The following GPR107 variants were observed in gnomAD, a reference collection of about 807,000 sequenced individuals.
GPR107 encodes the protein G protein-coupled receptor 107.
GPR107 carries 31 observed loss-of-function variants against 75.5 expected under a neutral mutation model. The observed-to-expected ratio is 0.41, with a 90% CI of 0.31 to 0.55. The LOEUF is 0.55. Among genes scored for constraint, GPR107 ranks in the 20% least tolerant of loss-of-function variants. The probability of loss-of-function intolerance (pLI) is 0.26; values close to 1 mark genes in which losing one functional copy is unlikely to be tolerated. For synonymous variants in GPR107, 267 were observed against 251.3 expected, an observed-to-expected ratio of 1.06 and a Z score of -0.59; for missense variants, 572 against 665.7, an observed-to-expected ratio of 0.86 and a Z score of 1.55.
At position 130,114,313 on chromosome 9, in the gene GPR107, G is replaced by T. The variant is rs564059384; in HGVS notation, c.1306+6774G>T. On this transcript the variant is annotated intron_variant, in intron 14 of 17. Coordinates refer to ENST00000347136, the MANE Select transcript of GPR107 (RefSeq NM_020960.5). ...GAACCCGGGAGGCGGAGTTTGCAGT[G>T]AATTGAGATTGTGCCACTGCACTCC... Among the ~76,000 whole-genome samples, 12 of 152,114 alleles carry T rather than the reference G, an allele frequency of 7.9e-5. 1 individual carries two copies. The South Asian group carries it at 2.5e-3, about 32-fold the overall frequency.
Position 130,104,441 on chromosome 9 carries a change from A to C in GPR107, c.1153A>C (p.Ile385Leu). The C allele has an allele frequency of 6.2e-7, 1 of 1,613,804 alleles. No homozygotes were observed. The highest frequency in any genetic ancestry group is 8.5e-7 in the Non-Finnish European group (1 of 1,179,684). ...GTAGGTCCTGGCAAATGTAGCCTAC[A>C]TCATCATAGAGTCCACCGAGGAGGG... ...PLQVLANVAY[I>L]IIESTEEGTT... Residue 385 changes from isoleucine to leucine, a missense_variant, in exon 13 of 18, where the codon ATC becomes CTC. Physicochemically the swap from Ile to Leu is conservative, Grantham distance 5. Coordinates refer to ENST00000347136, the MANE Select transcript of GPR107 (RefSeq NM_020960.5).
chr9:130,122,817 A>G (rs920674142), intron 14 of GPR107, among the ~76,000 whole-genome samples: 7 of 152,124 alleles, frequency 4.6e-5, no homozygotes, highest in African/African-American at 1.7e-4. Context: ...CCTGAGCAAC[A>G]TAGTGAAACC....
intron 1 of GPR107, among the ~76,000 whole-genome samples, chr9:130,063,627 G>A (rs1333937927): frequency 2.0e-5 from 3 of 152,024 alleles, no homozygotes; most frequent in Non-Finnish European, 2.9e-5. Flanking sequence ...TTGGTGGCAT[G>A]TATGCCAGTG....
At position 130,079,903 on chromosome 9, in the gene GPR107, A is replaced by C. The variant is rs570632455; in HGVS notation, c.526+134A>C. ...TATATTTTGGAAGTTACACAAAAAT[A>C]CGTAAATGTTAAAGAAAAATGTGGA... is the stretch of plus-strand genomic sequence containing the variant. On this transcript the variant is annotated intron_variant, in intron 5 of 17. Transcript: ENST00000347136. 3,787 of 514,552 alleles carry C rather than the reference A, an allele frequency of 7.4e-3. 113 individuals carry two copies. The highest frequency in any genetic ancestry group is 0.066 in the African/African-American group (3,404 of 51,240). 31.9% of individuals were successfully genotyped at this position (514,552 alleles called of 1,614,324 possible).
At chr9:130,085,381 T>A in intron 6 of GPR107, among the ~76,000 whole-genome samples, 1 of 152,236 alleles carries the variant, frequency 6.6e-6, no homozygotes. Flanking sequence ...TGGTTGGCGA[T>A]ATCTTGATTT....
intron 9 of GPR107, 134 bp downstream of exon 9, chr9:130,092,515 T>C: frequency 4.1e-6 from 3 of 736,402 alleles, no homozygotes; most frequent in Admixed American, 2.2e-5. Flanking sequence ...CCGGAAACAG[T>C]ATGAAGATTG....
intron 12 of GPR107, 107 bp from the exon 13 acceptor site, chr9:130,104,313 C>A (rs191685431): frequency 1.1e-6 from 1 of 878,110 alleles, no homozygotes; most frequent in Non-Finnish European, 1.8e-6. Flanking sequence ...ATGCTGTGGT[C>A]GCAGATCGTG....
intron 5 of GPR107, among the ~76,000 whole-genome samples, chr9:130,080,241 A>G (rs1830460357): frequency 6.6e-6 from 1 of 152,176 alleles, no homozygotes; most frequent in Non-Finnish European, 1.5e-5. Flanking sequence ...TCGTATAGCG[A>G]ACGTTCTTTA....
At chr9:130,119,837 T>C (rs1380078769) in intron 14 of GPR107, among the ~76,000 whole-genome samples, 2 of 151,882 alleles carry the variant, frequency 1.3e-5, no homozygotes, top group African/African-American at 4.8e-5. Context: ...GTTTGTTTGT[T>C]TGTTTGTTTG....
chr9:130,071,564 G>A (rs1276396713), intron 1 of GPR107, among the ~76,000 whole-genome samples: 1 of 152,054 alleles, frequency 6.6e-6, no homozygotes, highest in Non-Finnish European at 1.5e-5. Flanking sequence ...ACACTGAGCT[G>A]AGCGAGGGTC....
intron 8 of GPR107, among the ~76,000 whole-genome samples, chr9:130,091,380 C>T (rs1048562723): frequency 2.0e-5 from 3 of 152,004 alleles, no homozygotes; most frequent in Non-Finnish European, 1.5e-5. Flanking sequence ...GTCCCGGCTA[C>T]TCAGGTGGGA....
chr9:130,107,667 G>C, intron 14 of GPR107, 128 bp downstream of exon 14: 1 of 752,836 alleles, frequency 1.3e-6, no homozygotes, highest in South Asian at 1.4e-5. Context: ...GCTAGGGGAG[G>C]CCTGGGGCCC....
chr9:130,069,984 CTTTTTTTTTTTT>C (rs1045979986), intron 1 of GPR107, among the ~76,000 whole-genome samples: 2 of 45,426 alleles, frequency 4.4e-5, no homozygotes, highest in Non-Finnish European at 8.3e-5. Flanking sequence ...TGCCTGGCCT[CTTTTTTTTTTTT>C]TTTTTTTTTT....
At chr9:130,066,367 GATT>G (rs1018101663) in intron 1 of GPR107, among the ~76,000 whole-genome samples, 37 of 140,060 alleles carry the variant, frequency 2.6e-4, no homozygotes, top group Non-Finnish European at 7.6e-5. Flanking sequence ...CGTTCCCATT[GATT>G]ATTATGATTG....
rs112936106 is a variant in GPR107, at chr9:130,138,557, C to T, written c.*3436C>T. 5 of 151,244 alleles carry T rather than the reference C, an allele frequency of 3.3e-5. No individual in the cohort carries two copies. Among genetic ancestry groups the T allele is most frequent in the African/African-American group, 1.2e-4 (5 of 41,006 alleles). The allele number at this position is 151,244 out of a possible 1,614,324, so 9.4% of individuals were successfully genotyped here. ...TCCTCCTCCTTCCCTCCTCCTCCCT[C>T]CTCTTCCCTTCTCTGCCATCTTTCT... On this transcript the variant is annotated 3_prime_UTR_variant, in exon 18 of 18. Coordinates refer to ENST00000347136, the MANE Select transcript of GPR107 (RefSeq NM_020960.5).
At chr9:130,125,017 G>A (rs1027667909) in intron 15 of GPR107, 53 bp downstream of exon 15, 7 of 863,388 alleles carry the variant, frequency 8.1e-6, no homozygotes, top group Non-Finnish European at 1.2e-5. Flanking sequence ...AATTCAAGGA[G>A]TAGAGCAAAT....
At chr9:130,128,907 A>G (rs976799026) in intron 17 of GPR107, 146 bp downstream of exon 17, 1 of 710,724 alleles carries the variant, frequency 1.4e-6, no homozygotes, top group Non-Finnish European at 2.4e-6. Flanking sequence ...CGGACACTGG[A>G]GCCCCAGGCT....
At chr9:130,080,929 G>A (rs1446500049) in intron 5 of GPR107, among the ~76,000 whole-genome samples, 1 of 151,284 alleles carries the variant, frequency 6.6e-6, no homozygotes, top group African/African-American at 2.4e-5. Flanking sequence ...ATAATTTATG[G>A]CCAGGTGCAG....
intron 14 of GPR107, among the ~76,000 whole-genome samples, chr9:130,116,542 G>T (rs1228598978): frequency 1.3e-5 from 2 of 152,216 alleles, no homozygotes; most frequent in Admixed American, 6.5e-5. Context: ...CAGCTGCAGG[G>T]TTGCGTCCCA....
Sources: gnomAD v4.1 joint callset for allele counts (sites outside exome capture counted in the v4.1 genomes callset) on GRCh38, gnomAD v4.1.1 for gene constraint, MANE v1.5 for transcripts, NCBI Gene and HGNC (gene_info 2026-07-23, HGNC 2026-07-21) for gene names.